Variants in IGSF9B observed in about 807,000 individuals in gnomAD.
IGSF9B encodes the protein immunoglobulin superfamily member 9B.
A neutral mutation model predicts 143.7 loss-of-function variants in IGSF9B; 48 were observed. That is an observed-to-expected ratio of 0.33 (90% CI 0.26 to 0.42). The LOEUF (loss-of-function observed/expected upper bound fraction) is 0.42, where lower values mean the gene tolerates loss of function less well. Among genes scored for constraint, IGSF9B ranks in the 20% least tolerant of loss-of-function variants. IGSF9B has a pLI of 1.00. For missense variants in IGSF9B, 1,706 were observed against 1,980.0 expected, an observed-to-expected ratio of 0.86 and a Z score of 2.63; for synonymous variants, 903 against 833.1, an observed-to-expected ratio of 1.08 and a Z score of -1.44.
Position 133,905,922 on chromosome 11 carries a change from C to T in IGSF9B, c.*3147G>A, listed in dbSNP as rs937774726. On this transcript the variant is annotated 3_prime_UTR_variant, in exon 20 of 20. Coordinates refer to ENST00000533871, the MANE Select transcript of IGSF9B (RefSeq NM_001277285.4). This position sits in a 1 kb window ranked among gnomAD's most constrained non-coding sequence, Gnocchi z 4.0. ...CTCTCCCCACGCAAATGCAGTTGTC[C>T]AGGCCCCGCTAAGAACCGTTTTCCC... Among the ~76,000 whole-genome samples the T allele has an allele frequency of 6.6e-6, 1 of 152,230 alleles. No individual in the cohort carries two copies.
Position 133,932,110 on chromosome 11 carries a change from G to A in IGSF9B, c.1071C>T (p.Val357=). ...PVDAEPPATV[V]KWNKDGRPLQ... ...GGGGACGGCCGTCCTTGTTCCACTT[G>A]ACCACGGTGGCCGGTGGTTCTGCGT... The change falls in exon 8 of 20, where the codon GTC becomes GTT. Residue 357 remains valine (V), a synonymous_variant. Transcript: ENST00000533871. The A allele has an allele frequency of 6.2e-7, 1 of 1,613,874 alleles. No individual in the cohort carries two copies.
At chr11:133,918,776 C>A (rs1565419583) in intron 18 of IGSF9B, among the ~76,000 whole-genome samples, 1 of 150,194 alleles carries the variant, frequency 6.7e-6, no homozygotes, top group Non-Finnish European at 1.5e-5. Flanking sequence ...GCGGCTACAT[C>A]GAGAAGAGAG....
chr11:133,935,495 GCTC>G (rs1939805487), intron 7 of IGSF9B, 119 bp downstream of exon 7: 1 of 1,137,330 alleles, frequency 8.8e-7, no homozygotes, highest in Non-Finnish European at 1.2e-6. Flanking sequence ...TCTCTTATTC[GCTC>G]CTCCACCTAC....
rs2121248567 is a variant in IGSF9B, at chr11:133,899,400, T to G, written c.*9669A>C. On this transcript the variant is annotated 3_prime_UTR_variant, in exon 20 of 20. Coordinates refer to ENST00000533871, the MANE Select transcript of IGSF9B (RefSeq NM_001277285.4). ...TGGAGGTCCCCTCTGACACCCAACC[T>G]TACCTCATCTTGCTGAGCAGTGGAG... 1 of 152,592 alleles carries G rather than the reference T, an allele frequency of 6.6e-6. No individual in the cohort carries two copies. The highest frequency in any genetic ancestry group is 1.9e-4 in the East Asian group (1 of 5,188). The allele number at this position is 152,592 out of a possible 1,614,324, so 9.5% of individuals were successfully genotyped here.
At chr11:133,946,904 G>A (rs894188679) in intron 1 of IGSF9B, among the ~76,000 whole-genome samples, 1 of 152,192 alleles carries the variant, frequency 6.6e-6, no homozygotes, top group Non-Finnish European at 1.5e-5. Context: ...GGCTGAGCCG[G>A]CCTCTCCAGC....
intron 12 of IGSF9B, 96 bp from the exon 13 acceptor site, chr11:133,927,187 T>C: frequency 3.1e-6 from 3 of 982,504 alleles, no homozygotes; most frequent in Non-Finnish European, 4.5e-6. Flanking sequence ...GAGAAGGCAC[T>C]GGTGGGCCTG....
intron 3 of IGSF9B, among the ~76,000 whole-genome samples, chr11:133,938,677 C>T (rs116719112): frequency 6.6e-6 from 1 of 152,172 alleles, no homozygotes; most frequent in East Asian, 1.9e-4. Flanking sequence ...ACCCCTTGGA[C>T]TATCAGTTCC....
chr11:133,951,595 C>T (rs1940160002), intron 1 of IGSF9B, among the ~76,000 whole-genome samples: 1 of 152,202 alleles, frequency 6.6e-6, no homozygotes, highest in Non-Finnish European at 1.5e-5. Context: ...GAGTCCTTTC[C>T]CCAGGAGCCA....
In IGSF9B at chr11:133,930,525, C is replaced by T. The variant is rs1004832740; in HGVS notation, c.1519+459G>A. Among the ~76,000 whole-genome samples, 3 of 152,304 alleles carry T rather than the reference C, an allele frequency of 2.0e-5. No homozygotes were observed. In the South Asian group the frequency reaches 6.2e-4, roughly 32 times the overall value. Reference sequence around the variant, plus strand: ...GACACGCGCTTCGGGCAATCGGAAACGGGAACGCCCAGACACAGAACCCCA... The same window carrying T: ...GACACGCGCTTCGGGCAATCGGAAATGGGAACGCCCAGACACAGAACCCCA... On this transcript the variant is annotated intron_variant, in intron 11 of 19. Coordinates refer to ENST00000533871, the MANE Select transcript of IGSF9B (RefSeq NM_001277285.4).
Position 133,908,819 on chromosome 11 carries a change from G to T in IGSF9B, c.*250C>A. On this transcript the variant is annotated 3_prime_UTR_variant, in exon 20 of 20. Coordinates refer to ENST00000533871, the MANE Select transcript of IGSF9B (RefSeq NM_001277285.4). ...TAGTGAAGCAGGGGGCGGAGGGGAG[G>T]AGACAGGTGTTGCCCAGTCTCCAAT... The T allele has an allele frequency of 2.4e-5, 11 of 461,586 alleles. No individual in the cohort carries two copies. Among genetic ancestry groups the T allele is most frequent in the South Asian group, 1.2e-4 (3 of 24,592 alleles). The allele number at this position is 461,586 out of a possible 1,614,324, so 28.6% of individuals were successfully genotyped here.
rs1565409525 is a variant in IGSF9B, at chr11:133,901,887, C to T, written c.*7182G>A. On this transcript the variant is annotated 3_prime_UTR_variant, in exon 20 of 20. Coordinates refer to ENST00000533871, the MANE Select transcript of IGSF9B (RefSeq NM_001277285.4). ...GCACCACACACGCACCACACACACA[C>T]ACAACACACACACAACACACCACAC... 7.0e-6 allele frequency among the ~76,000 whole-genome samples: 1 copy of T among 143,550 alleles called. No individual in the cohort carries two copies. The highest frequency in any genetic ancestry group is 6.9e-5 in the Admixed American group (1 of 14,460). 94.2% of individuals were successfully genotyped at this position (143,550 alleles called of 152,430 possible).
chr11:133,910,961 A>C, intron 19 of IGSF9B, among the ~76,000 whole-genome samples: 1 of 152,178 alleles, frequency 6.6e-6, no homozygotes, highest in East Asian at 1.9e-4. Context: ...TCCATCTGTA[A>C]ACTGAAAGTA....
chr11:133,940,556 G>A (rs1453595511), intron 3 of IGSF9B, among the ~76,000 whole-genome samples: 8 of 133,408 alleles, frequency 6.0e-5, no homozygotes, highest in South Asian at 4.9e-4. Flanking sequence ...GTCCTCGCAC[G>A]CGTCATCACA....
Position 133,919,785 on chromosome 11 carries a change from A to T in IGSF9B, c.3940T>A (p.Leu1314Met), listed in dbSNP as rs1434594268. ...GGTGGTGGGGTCTCCGGTCGGAGCA[A>T]TTCCTCCCCCGTCCTTCGAGGGGAA... ...TPSPRRTGEE[L>M]LRPETPPPTL... is the part of the protein sequence containing the mutation. Residue 1314 changes from leucine to methionine, a missense_variant, in exon 18 of 20, where the codon TTG becomes ATG. Physicochemically the swap from Leu to Met is conservative, Grantham distance 15. Coordinates refer to ENST00000533871, the MANE Select transcript of IGSF9B (RefSeq NM_001277285.4). 3 of 1,496,238 alleles carry T rather than the reference A, an allele frequency of 2.0e-6. No individual in the cohort carries two copies. In the South Asian group the frequency reaches 4.2e-5, roughly 21 times the overall value. The allele number at this position is 1,496,238 out of a possible 1,614,324, so 92.7% of individuals were successfully genotyped here. A position where few individuals can be genotyped will look rare whatever the true frequency, so the allele number is the denominator to read the frequency against.
chr11:133,944,759 G>A (rs926260444), intron 2 of IGSF9B, among the ~76,000 whole-genome samples: 1 of 152,192 alleles, frequency 6.6e-6, no homozygotes, highest in African/African-American at 2.4e-5. Context: ...GAGGATGGGT[G>A]GGGGGTCTCC....
At chr11:133,915,134 C>T (rs766846080) in intron 18 of IGSF9B, among the ~76,000 whole-genome samples, 10 of 152,182 alleles carry the variant, frequency 6.6e-5, no homozygotes, top group Non-Finnish European at 1.2e-4. Flanking sequence ...AGGAATGCTA[C>T]GAACCCTGGG....
rs1199097275 is a variant in IGSF9B, at chr11:133,948,423, A to C, written c.65-2165T>G. Among the ~76,000 whole-genome samples the C allele has an allele frequency of 6.6e-6, 1 of 151,846 alleles. No homozygotes were observed. Among genetic ancestry groups the C allele is most frequent in the Admixed American group, 6.6e-5 (1 of 15,256 alleles). On this transcript the variant is annotated intron_variant, in intron 1 of 19. Transcript: ENST00000533871. The surrounding 1 kb of genome is among the most constrained non-coding windows in gnomAD (Gnocchi z 4.7). ...TGCTTCCCAATTTCCCCCACCCCCA[A>C]CCTTGCTTCAGGCTAAGTTTGCAAC...
chr11:133,955,881 C>T (rs923038332), intron 1 of IGSF9B, among the ~76,000 whole-genome samples: 5 of 151,926 alleles, frequency 3.3e-5, no homozygotes, highest in South Asian at 2.1e-4. Context: ...AGCGTGGGGA[C>T]CCCCCCTTCC....
rs756305133 is a variant in IGSF9B, at chr11:133,919,129, T to TGGGGGGGGGGGGGGGGG, written c.3983+612_3983+613insCCCCCCCCCCCCCCCCC. On this transcript the variant is annotated intron_variant, in intron 18 of 19. Coordinates refer to ENST00000533871, the MANE Select transcript of IGSF9B (RefSeq NM_001277285.4). ...TCCTGCGAGGTATACGGGGGGGGGGTGGGGGACGTGTCCTGCACATGGTCA... is the reference window on the plus strand; with the variant it reads ...TCCTGCGAGGTATACGGGGGGGGGGTGGGGGGGGGGGGGGGGGGGGGGACGTGTCCTGCACATGGTCA... 143 of 175,858 alleles carry TGGGGGGGGGGGGGGGGG rather than the reference T, an allele frequency of 8.1e-4. 7 individuals are homozygous for TGGGGGGGGGGGGGGGGG. Among genetic ancestry groups the TGGGGGGGGGGGGGGGGG allele is most frequent in the Middle Eastern group, 1.5e-3 (1 of 670 alleles). The allele number at this position is 175,858 out of a possible 1,614,324, so 10.9% of individuals were successfully genotyped here.
Sources: gnomAD v4.1 joint callset for allele counts (sites outside exome capture counted in the v4.1 genomes callset) on GRCh38, gnomAD v4.1.1 for gene constraint, Gnocchi (gnomAD v3.1) non-coding constraint, MANE v1.5 for transcripts, NCBI Gene and HGNC (gene_info 2026-07-23, HGNC 2026-07-21) for gene names.